Variants in BICD1 observed in about 807,000 individuals in gnomAD.
BICD1 encodes the protein protein bicaudal D homolog 1.
A neutral mutation model predicts 92.5 loss-of-function variants in BICD1; 35 were observed. The ratio of observed to expected loss-of-function variants is 0.38; its 90% CI spans 0.29 to 0.50. BICD1 has a LOEUF of 0.50. Ranked by LOEUF, BICD1 falls within the 20% of genes least tolerant of loss-of-function variation. The pLI, the probability that BICD1 is intolerant of heterozygous loss-of-function variation, is 0.93. For missense variants in BICD1, 950 were observed against 1,189.8 expected (o/e 0.80, Z 2.97); for synonymous variants, 429 against 465.1 (o/e 0.92, Z 1.00).
intron 1 of BICD1, among the ~76,000 whole-genome samples, chr12:32,199,992 A>T (rs1592463012): frequency 6.6e-6 from 1 of 152,196 alleles, no homozygotes; most frequent in East Asian, 1.9e-4. Context: ...GGCTTTTTTA[A>T]CTTTTAATAT....
chr12:32,349,858 T>C (rs1326789202), intron 8 of BICD1, among the ~76,000 whole-genome samples: 2 of 152,230 alleles, frequency 1.3e-5, no homozygotes, highest in Non-Finnish European at 2.9e-5. Flanking sequence ...GCCAACACTT[T>C]GATTTCTCTG....
chr12:32,122,528 C>T (rs1414397440), intron 1 of BICD1, among the ~76,000 whole-genome samples: 1 of 151,728 alleles, frequency 6.6e-6, no homozygotes, highest in Non-Finnish European at 1.5e-5. Context: ...AGAAGTAGAA[C>T]CCTTTCTTAA....
rs772917101 is a variant in BICD1, at chr12:32,116,508, C to CTATATATATATATA, written c.213+8965_213+8966insATATATATATATAT. 1.2e-4 allele frequency among the ~76,000 whole-genome samples: 11 copies of CTATATATATATATA among 94,250 alleles called. No individual in the cohort carries two copies. In the East Asian group the frequency reaches 1.7e-3, roughly 14 times the overall value. The allele number at this position is 94,250 out of a possible 152,430, so 61.8% of individuals were successfully genotyped here. On this transcript the variant is annotated intron_variant, in intron 1 of 9. Transcript: ENST00000652176. ...TCTCTCTCTTTCTCTCTCTCTCTCTCTCTATATATATATATATATATGTAA... is the reference window on the plus strand; with the variant it reads ...TCTCTCTCTTTCTCTCTCTCTCTCTCTATATATATATATATCTATATATATATATATATATGTAA...
rs1339605178 is a variant in BICD1 at position 32,234,612 on chromosome 12, AAG to A, written c.426+18155_426+18156del. 4.6e-5 allele frequency among the ~76,000 whole-genome samples: 7 copies of A among 150,694 alleles called. No homozygotes were observed. The South Asian group carries it at 6.2e-4, about 13-fold the overall frequency. Reference sequence around the variant, plus strand: ...ACTCCGTCTCAAAAAAAAAAAAAGAAAGAAAGAAAGAAAGAAAGAAAAGCAGA... The same window carrying A: ...ACTCCGTCTCAAAAAAAAAAAAAGAAAAAGAAAGAAAGAAAGAAAAGCAGA... On this transcript the variant is annotated intron_variant, in intron 2 of 9. Transcript: ENST00000652176.
At chr12:32,348,148 G>A (rs1296336445) in intron 8 of BICD1, among the ~76,000 whole-genome samples, 1 of 152,092 alleles carries the variant, frequency 6.6e-6, no homozygotes, top group East Asian at 1.9e-4. Flanking sequence ...CCTCTGTCCA[G>A]TATTCCTGTC....
intron 1 of BICD1, among the ~76,000 whole-genome samples, chr12:32,136,438 T>C (rs931249547): frequency 6.6e-6 from 1 of 152,130 alleles, no homozygotes; most frequent in Admixed American, 6.5e-5. Context: ...ACGAGGATCG[T>C]AAGCCCCTTC....
intron 2 of BICD1, among the ~76,000 whole-genome samples, chr12:32,231,351 C>T (rs1407269366): frequency 2.0e-5 from 3 of 151,916 alleles, no homozygotes; most frequent in African/African-American, 7.3e-5. Context: ...GGCATGGTGG[C>T]GTGTGCCTGT....
At chr12:32,342,597 T>A (rs1938424946) in intron 8 of BICD1, among the ~76,000 whole-genome samples, 1 of 152,136 alleles carries the variant, frequency 6.6e-6, no homozygotes, top group Admixed American at 6.6e-5. Context: ...TTAATTATTC[T>A]AATAAGCAGA....
intron 8 of BICD1, among the ~76,000 whole-genome samples, chr12:32,346,590 A>G (rs1393071046): frequency 0.012 from 71 of 6,038 alleles, 10 homozygotes; most frequent in African/African-American, 0.015. Flanking sequence ...ATACGTGTAT[A>G]TATATATATA....
At chr12:32,202,127 A>T (rs1194898424) in intron 1 of BICD1, among the ~76,000 whole-genome samples, 2 of 152,254 alleles carry the variant, frequency 1.3e-5, no homozygotes, top group African/African-American at 4.8e-5. Flanking sequence ...CTGTGCCAAC[A>T]AAAAGAAAAA....
chr12:32,315,820 G>A (rs1480443390), intron 4 of BICD1, among the ~76,000 whole-genome samples: 2 of 152,080 alleles, frequency 1.3e-5, no homozygotes, highest in African/African-American at 4.8e-5. Context: ...ACATGAGATA[G>A]TAAACATTTT....
Position 32,381,197 on chromosome 12 carries a change from C to G in BICD1, c.*3570C>G, listed in dbSNP as rs7958506. ...AAGATATTTGTTGGAAAAAAATGATCGTTGGTATTATTTTTTCTTTCAGCT... is the reference window on the plus strand; with the variant it reads ...AAGATATTTGTTGGAAAAAAATGATGGTTGGTATTATTTTTTCTTTCAGCT... On this transcript the variant is annotated 3_prime_UTR_variant, in exon 10 of 10. Transcript: ENST00000652176. The G allele has an allele frequency of 6.6e-6, 1 of 151,678 alleles. No homozygotes were observed. The highest frequency in any genetic ancestry group is 6.6e-5 in the Admixed American group (1 of 15,208). The allele number at this position is 151,678 out of a possible 1,614,324, so 9.4% of individuals were successfully genotyped here. A position where few individuals can be genotyped will look rare whatever the true frequency, so the allele number is the denominator to read the frequency against.
intron 8 of BICD1, among the ~76,000 whole-genome samples, chr12:32,349,991 T>TA (rs1254206963): frequency 6.6e-6 from 1 of 152,210 alleles, no homozygotes; most frequent in Admixed American, 6.5e-5. Flanking sequence ...GACAGCCACC[T>TA]AAACTCCTCT....
chr12:32,209,941 T>C (rs1304211821), intron 1 of BICD1, among the ~76,000 whole-genome samples: 1 of 152,184 alleles, frequency 6.6e-6, no homozygotes, highest in Non-Finnish European at 1.5e-5. Context: ...CAGCCACATT[T>C]CAAAAGCTCA....
chr12:32,305,656 C>T (rs766485925), intron 3 of BICD1, 41 bp from the exon 4 acceptor site: 7 of 1,533,568 alleles, frequency 4.6e-6, no homozygotes, highest in Middle Eastern at 3.5e-4. Context: ...GTAAGATCCA[C>T]ATTTTAGTTT....
chr12:32,338,023 C>T, intron 7 of BICD1: 1 of 539,868 alleles, frequency 1.9e-6, no homozygotes, highest in Non-Finnish European at 3.3e-6. Flanking sequence ...TAACCCCCTG[C>T]CCAATCCCTC....
At chr12:32,364,717 G>A (rs576954715) in intron 8 of BICD1, among the ~76,000 whole-genome samples, 14 of 151,958 alleles carry the variant, frequency 9.2e-5, no homozygotes, top group Middle Eastern at 3.2e-3. Flanking sequence ...TTGGGAGGCC[G>A]AGGCAGGAAG....
intron 9 of BICD1, among the ~76,000 whole-genome samples, chr12:32,369,815 A>T (rs956108685): frequency 6.6e-6 from 1 of 151,862 alleles, no homozygotes; most frequent in South Asian, 2.1e-4. Context: ...CTGAGGTTGG[A>T]GGGTCACTTG....
At chr12:32,363,996 A>C (rs1411607289) in intron 8 of BICD1, among the ~76,000 whole-genome samples, 17 of 95,282 alleles carry the variant, frequency 1.8e-4, no homozygotes, top group Admixed American at 1.5e-3. Flanking sequence ...AGATGCTGTC[A>C]TCATCACCAT....
Sources: allele counts gnomAD v4.1 joint callset (sites outside exome capture counted in the v4.1 genomes callset), GRCh38; gene constraint gnomAD v4.1.1; transcripts MANE v1.5; gene names NCBI Gene and HGNC (gene_info 2026-07-23, HGNC 2026-07-21).